Variants in DAPK1 observed in about 807,000 individuals in gnomAD.
DAPK1 encodes the protein death associated protein kinase 1.
DAPK1 carries 56 observed loss-of-function variants against 144.9 expected under a neutral mutation model. That is an observed-to-expected ratio of 0.39 (90% CI 0.31 to 0.48). The LOEUF is 0.48. DAPK1 is among the 20% of genes least tolerant of loss of function. DAPK1 has a pLI of 0.95. For synonymous variants in DAPK1, 690 were observed against 749.0 expected (o/e 0.92, Z 1.29); for missense variants, 1,454 against 1,875.4 (o/e 0.78, Z 4.15).
chr9:87,618,957 C>T (rs982846179), intron 3 of DAPK1, among the ~76,000 whole-genome samples: 2 of 152,144 alleles, frequency 1.3e-5, no homozygotes, highest in African/African-American at 2.4e-5. Flanking sequence ...CCCTCCTGCC[C>T]GCTGAATGAG....
At chr9:87,636,987 G>A (rs1156749472) in intron 3 of DAPK1, among the ~76,000 whole-genome samples, 1 of 152,138 alleles carries the variant, frequency 6.6e-6, no homozygotes, top group Admixed American at 6.5e-5. Context: ...CAATAGCTGG[G>A]GTGGGAGGTT....
At chr9:87,566,109 C>T (rs183519210) in intron 2 of DAPK1, among the ~76,000 whole-genome samples, 2 of 151,430 alleles carry the variant, frequency 1.3e-5, no homozygotes, top group South Asian at 2.1e-4. Context: ...CAAGCTCCGC[C>T]TCCCAGGTTC....
intron 3 of DAPK1, among the ~76,000 whole-genome samples, chr9:87,613,347 T>C (rs1587770105): frequency 6.6e-6 from 1 of 152,228 alleles, no homozygotes; most frequent in East Asian, 1.9e-4. Flanking sequence ...GCTGTGCCTA[T>C]TGAACAACTC....
chr9:87,695,183 C>G (rs910670727), intron 21 of DAPK1, among the ~76,000 whole-genome samples: 1 of 152,206 alleles, frequency 6.6e-6, no homozygotes, highest in Non-Finnish European at 1.5e-5. Flanking sequence ...CCCCACACTC[C>G]AAGAGCCAAT....
intron 2 of DAPK1, among the ~76,000 whole-genome samples, chr9:87,584,664 T>TTGTGTGTGTGTGTGTGTGTGTGTG (rs113125719): frequency 7.1e-6 from 1 of 140,504 alleles, no homozygotes; most frequent in African/African-American, 2.5e-5. Flanking sequence ...TGATAGCTCA[T>TTGTGTGTGTGTGTGTGTGTGTGTG]TGTGTGTGTG....
At chr9:87,637,837 T>C in intron 3 of DAPK1, 106 bp from the exon 4 acceptor site, 2 of 1,265,344 alleles carry the variant, frequency 1.6e-6, no homozygotes, top group African/African-American at 1.5e-5. Flanking sequence ...AGCATAGTCT[T>C]TATGCTGTTT....
intron 20 of DAPK1, among the ~76,000 whole-genome samples, chr9:87,685,885 G>A (rs183643414): frequency 1.7e-4 from 26 of 152,252 alleles, no homozygotes; most frequent in African/African-American, 4.8e-4. Context: ...ATAAAATCCC[G>A]CTAAACGCCA....
At chr9:87,500,751 A>G (rs1824360604) in intron 2 of DAPK1, among the ~76,000 whole-genome samples, 2 of 152,026 alleles carry the variant, frequency 1.3e-5, no homozygotes, top group South Asian at 4.2e-4. Flanking sequence ...TGGCTTACTT[A>G]TTTGTCACTA....
intron 21 of DAPK1, among the ~76,000 whole-genome samples, chr9:87,696,451 A>C (rs1170420789): frequency 2.6e-5 from 4 of 152,212 alleles, no homozygotes; most frequent in Admixed American, 1.3e-4. Flanking sequence ...GCTATAACAG[A>C]ATACTTGAGA....
chr9:87,599,484 C>T (rs1311013581), intron 2 of DAPK1, among the ~76,000 whole-genome samples: 1 of 152,094 alleles, frequency 6.6e-6, no homozygotes, highest in Non-Finnish European at 1.5e-5. Flanking sequence ...CCGTGCGTTT[C>T]CTCTTTTTAA....
chr9:87,539,851 A>G (rs1223588044), intron 2 of DAPK1, among the ~76,000 whole-genome samples: 1 of 152,076 alleles, frequency 6.6e-6, no homozygotes, highest in Non-Finnish European at 1.5e-5. Flanking sequence ...CCTGCCTGTT[A>G]GCCACTCAGG....
intron 2 of DAPK1, among the ~76,000 whole-genome samples, chr9:87,591,423 C>T (rs1828128800): frequency 6.6e-6 from 1 of 152,132 alleles, no homozygotes; most frequent in Non-Finnish European, 1.5e-5. Context: ...AATTGTTTTT[C>T]CATGTTCAGA....
intron 20 of DAPK1, 192 bp downstream of exon 20, chr9:87,681,818 A>C (rs1174052361): frequency 3.3e-6 from 2 of 609,744 alleles, no homozygotes; most frequent in East Asian, 5.6e-5. Flanking sequence ...GCAGTAACAG[A>C]CTGACTTGGC....
In DAPK1 at chr9:87,708,106, T is replaced by A. The variant is rs1056087692; in HGVS notation, c.*742T>A. 7 of 299,392 alleles carry A rather than the reference T, an allele frequency of 2.3e-5. No homozygotes were observed. Among genetic ancestry groups the A allele is most frequent in the African/African-American group, 1.5e-4 (7 of 45,322 alleles). The allele number at this position is 299,392 out of a possible 1,614,324, so 18.5% of individuals were successfully genotyped here. Reference sequence around the variant, plus strand: ...ATCCTCCTCCAGGGTGATTTTATGATCAGTGTTGTTGCTCTAGGAAGACAT... The same window carrying A: ...ATCCTCCTCCAGGGTGATTTTATGAACAGTGTTGTTGCTCTAGGAAGACAT... On this transcript the variant is annotated 3_prime_UTR_variant, in exon 26 of 26. Transcript: ENST00000408954.
At chr9:87,542,026 A>C (rs1275176085) in intron 2 of DAPK1, among the ~76,000 whole-genome samples, 3 of 152,268 alleles carry the variant, frequency 2.0e-5, no homozygotes, top group Admixed American at 2.0e-4. Context: ...TAATGACAGC[A>C]GCAGGAATTA....
chr9:87,675,299 G>A (rs796607147), intron 19 of DAPK1, among the ~76,000 whole-genome samples: 6 of 152,118 alleles, frequency 3.9e-5, no homozygotes, highest in African/African-American at 1.4e-4. Context: ...TCACCTGGCT[G>A]ATGAGGACCT....
rs1380204486 is a variant in DAPK1, at chr9:87,686,709, G to A, written c.2383G>A (p.Ala795Thr). 1 of 1,613,228 alleles carries A rather than the reference G, an allele frequency of 6.2e-7. No individual in the cohort carries two copies. Among genetic ancestry groups the A allele is most frequent in the Non-Finnish European group, 8.5e-7 (1 of 1,179,430 alleles). ...HCSADDQSTK[A>T]IDIQNAYLNG... ...CTCGGCCGATGACCAGTCCACCAAG[G>A]CCATCGACATCCAGAACGCTTATTT... Residue 795 changes from alanine to threonine, a missense_variant, in exon 21 of 26, where the codon GCC becomes ACC. Ala to Thr is a moderately conservative substitution (Grantham distance 58). Transcript: ENST00000408954. This position sits in a 1 kb window ranked among gnomAD's most constrained non-coding sequence, Gnocchi z 4.2.
In DAPK1 at chr9:87,595,449, G is replaced by A. The variant is rs116182713; in HGVS notation, c.63-9505G>A. ...TGCAAAGAGGTATCATAGGAACAAGGGGGAGTGAATGAAGGCACCCACTGC... is the reference window on the plus strand; with the variant it reads ...TGCAAAGAGGTATCATAGGAACAAGAGGGAGTGAATGAAGGCACCCACTGC... On this transcript the variant is annotated intron_variant, in intron 2 of 25. Coordinates refer to ENST00000408954, the MANE Select transcript of DAPK1 (RefSeq NM_004938.4). Among the ~76,000 whole-genome samples the A allele has an allele frequency of 6.8e-3, 1,038 of 152,266 alleles. 9 individuals carry two copies. Among genetic ancestry groups the A allele is most frequent in the African/African-American group, 0.024 (998 of 41,534 alleles).
At position 87,607,443 on chromosome 9, in the gene DAPK1, G is replaced by A. The variant is rs369767421; in HGVS notation, c.284+2268G>A. ...TCATTTCATACTAAAATATTTGAGC[G>A]ATGCCTATGAGTCACTGCCCCTCTT... On this transcript the variant is annotated intron_variant, in intron 3 of 25. Coordinates refer to ENST00000408954, the MANE Select transcript of DAPK1 (RefSeq NM_004938.4). 1.5e-3 allele frequency among the ~76,000 whole-genome samples: 227 copies of A among 152,242 alleles called. 1 individual carries two copies. Among genetic ancestry groups the A allele is most frequent in the African/African-American group, 5.2e-3 (214 of 41,542 alleles).
Sources: allele counts gnomAD v4.1 joint callset (sites outside exome capture counted in the v4.1 genomes callset), GRCh38; gene constraint gnomAD v4.1.1; non-coding constraint Gnocchi (gnomAD v3.1); transcripts MANE v1.5; gene names NCBI Gene and HGNC (gene_info 2026-07-23, HGNC 2026-07-21).